GPC6: variants seen among roughly 807,000 people sequenced by gnomAD.
GPC6 encodes glypican-6.
A neutral mutation model predicts 55.2 loss-of-function variants in GPC6; 14 were observed. That is an observed-to-expected ratio of 0.25 (90% CI 0.17 to 0.40). The LOEUF (loss-of-function observed/expected upper bound fraction) is 0.40. GPC6 is among the 10% of genes least tolerant of loss of function. The pLI, the probability that GPC6 is intolerant of heterozygous loss-of-function variation, is 1.00. For synonymous variants in GPC6, 278 were observed against 259.6 expected (o/e 1.07, Z -0.68); for missense variants, 641 against 708.5 (o/e 0.90, Z 1.08).
At chr13:94,397,657 G>A (rs1880949401) in intron 7 of GPC6, among the ~76,000 whole-genome samples, 1 of 152,142 alleles carries the variant, frequency 6.6e-6, no homozygotes, top group Non-Finnish European at 1.5e-5. Flanking sequence ...TTGAGAATGG[G>A]CATCCTCACA....
At chr13:93,771,839 T>C (rs1301689557) in intron 2 of GPC6, among the ~76,000 whole-genome samples, 1 of 152,162 alleles carries the variant, frequency 6.6e-6, no homozygotes, top group Non-Finnish European at 1.5e-5. Context: ...AAAATGTTTC[T>C]TCTCCTATAA....
At chr13:94,239,551 C>A (rs1276339107) in intron 4 of GPC6, among the ~76,000 whole-genome samples, 1 of 151,922 alleles carries the variant, frequency 6.6e-6, no homozygotes, top group Non-Finnish European at 1.5e-5. Context: ...TAAAAAATTT[C>A]TCATTTTAGA....
chr13:93,858,424 C>G (rs1166640065), intron 3 of GPC6, among the ~76,000 whole-genome samples: 1 of 151,410 alleles, frequency 6.6e-6, no homozygotes, highest in East Asian at 1.9e-4. Context: ...TTAATGCAAA[C>G]AAGTAGAAAA....
chr13:93,408,708 G>A (rs1413678931), intron 1 of GPC6, among the ~76,000 whole-genome samples: 1 of 152,112 alleles, frequency 6.6e-6, no homozygotes, highest in African/African-American at 2.4e-5. Context: ...GAGTACTCAG[G>A]TCTGAAAAAC....
At chr13:93,713,031 A>C (rs764825886) in intron 2 of GPC6, among the ~76,000 whole-genome samples, 1 of 151,596 alleles carries the variant, frequency 6.6e-6, no homozygotes, top group Non-Finnish European at 1.5e-5. Context: ...ATATATATTT[A>C]TGTATGTATT....
At chr13:93,654,725 C>T (rs940385377) in intron 2 of GPC6, among the ~76,000 whole-genome samples, 14 of 152,126 alleles carry the variant, frequency 9.2e-5, no homozygotes, top group Non-Finnish European at 1.8e-4. Context: ...ATGTTGCTTT[C>T]CCCAATAGAA....
intron 3 of GPC6, among the ~76,000 whole-genome samples, chr13:94,005,991 C>G (rs1435198437): frequency 1.3e-5 from 2 of 152,104 alleles, no homozygotes; most frequent in African/African-American, 4.8e-5. Flanking sequence ...GAAACTCTTT[C>G]TTTCCTAAGG....
In GPC6 at chr13:94,144,583, G is replaced by C. The variant is rs369168496; in HGVS notation, c.877+116689G>C. ...TGTGTGTGTGTGTGTGTATAAGACA[G>C]AGAGAGAGAGGGATATCTGTGTGCA... On this transcript the variant is annotated intron_variant, in intron 4 of 8. Transcript: ENST00000377047. Among the ~76,000 whole-genome samples the C allele has an allele frequency of 1.5e-3, 183 of 123,132 alleles. 1 individual carries two copies. The highest frequency in any genetic ancestry group is 4.8e-3 in the African/African-American group (174 of 35,992). The allele number at this position is 123,132 out of a possible 152,430, so 80.8% of individuals were successfully genotyped here.
intron 1 of GPC6, among the ~76,000 whole-genome samples, chr13:93,398,171 G>T (rs1456870775): frequency 6.6e-6 from 1 of 152,164 alleles, no homozygotes; most frequent in East Asian, 1.9e-4. Flanking sequence ...GAGAAAGATA[G>T]CATATTAATA....
At chr13:93,918,788 A>G (rs1201454459) in intron 3 of GPC6, among the ~76,000 whole-genome samples, 1 of 152,120 alleles carries the variant, frequency 6.6e-6, no homozygotes, top group East Asian at 1.9e-4. Context: ...ACACATATCT[A>G]TTTCAAGATC....
intron 1 of GPC6, chr13:93,395,256 C>G: frequency 2.1e-6 from 1 of 467,892 alleles, no homozygotes; most frequent in South Asian, 2.0e-5. Context: ...GCACAACCAC[C>G]ACTAAAGTTT....
chr13:93,577,435 A>G (rs1223049001), intron 2 of GPC6, among the ~76,000 whole-genome samples: 1 of 152,112 alleles, frequency 6.6e-6, no homozygotes, highest in East Asian at 1.9e-4. Flanking sequence ...TGGCTTAAGT[A>G]TACATTGACT....
chr13:93,368,539 T>A (rs1881342928), intron 1 of GPC6, among the ~76,000 whole-genome samples: 1 of 151,984 alleles, frequency 6.6e-6, no homozygotes, highest in Admixed American at 6.6e-5. Context: ...GGATTTCATT[T>A]ATATGCACCT....
intron 1 of GPC6, among the ~76,000 whole-genome samples, chr13:93,499,249 A>G (rs1594215532): frequency 6.6e-6 from 1 of 152,166 alleles, no homozygotes; most frequent in Non-Finnish European, 1.5e-5. Context: ...TATTGGTTTT[A>G]AGATTAAAAA....
chr13:93,444,626 A>G (rs1417935576), intron 1 of GPC6, among the ~76,000 whole-genome samples: 1 of 152,178 alleles, frequency 6.6e-6, no homozygotes, highest in Non-Finnish European at 1.5e-5. Flanking sequence ...AACAACAACA[A>G]CAATAAAAAC....
intron 2 of GPC6, among the ~76,000 whole-genome samples, chr13:93,785,600 C>T (rs1885794820): frequency 6.6e-6 from 1 of 152,140 alleles, no homozygotes; most frequent in Non-Finnish European, 1.5e-5. Context: ...CTGTTCTGTG[C>T]AGTTTGCTAT....
chr13:93,364,891 T>C (rs558926486), intron 1 of GPC6, among the ~76,000 whole-genome samples: 52 of 152,140 alleles, frequency 3.4e-4, no homozygotes, highest in Admixed American at 3.3e-3. Flanking sequence ...ACATTACACC[T>C]TCACCTCCGG....
intron 3 of GPC6, among the ~76,000 whole-genome samples, chr13:93,998,117 C>T (rs1330766819): frequency 3.9e-5 from 6 of 152,124 alleles, no homozygotes; most frequent in African/African-American, 7.2e-5. Flanking sequence ...CATCTTGAAA[C>T]GATGTGATGT....
At chr13:93,567,940 T>G (rs1876218524) in intron 2 of GPC6, among the ~76,000 whole-genome samples, 1 of 152,124 alleles carries the variant, frequency 6.6e-6, no homozygotes, top group African/African-American at 2.4e-5. Flanking sequence ...GCCAAGCTCA[T>G]AGTTTTACCC....
Sources: gnomAD v4.1 joint callset for allele counts (sites outside exome capture counted in the v4.1 genomes callset) on GRCh38, gnomAD v4.1.1 for gene constraint, MANE v1.5 for transcripts, NCBI Gene and HGNC (gene_info 2026-07-23, HGNC 2026-07-21) for gene names.